DSG1: variants seen among roughly 807,000 people sequenced by gnomAD.
DSG1 encodes desmoglein-1.
A neutral mutation model predicts 97.5 loss-of-function variants in DSG1; 39 were observed. That is an observed-to-expected ratio of 0.40 (90% CI 0.31 to 0.52). The LOEUF is 0.52. Among genes scored for constraint, DSG1 ranks in the 20% least tolerant of loss-of-function variants. The pLI, the probability that DSG1 is intolerant of heterozygous loss-of-function variation, is 0.53. For synonymous variants in DSG1, 475 were observed against 443.4 expected, an observed-to-expected ratio of 1.07 and a Z score of -0.90; for missense variants, 1,311 against 1,295.4, an observed-to-expected ratio of 1.01 and a Z score of -0.18.
At chr18:31,344,319 T>C (rs974495196) in intron 13 of DSG1, among the ~76,000 whole-genome samples, 3 of 152,172 alleles carry the variant, frequency 2.0e-5, no homozygotes, top group African/African-American at 7.2e-5. Context: ...GCAAATTTCA[T>C]TAACATACAT....
At position 31,328,075 on chromosome 18, in the gene DSG1, C is replaced by T. The variant is rs377621121; in HGVS notation, c.217-114C>T. The T allele has an allele frequency of 1.1e-4, 114 of 1,062,802 alleles. No homozygotes were observed. In the African/African-American group the frequency reaches 1.6e-3, roughly 15 times the overall value. 65.8% of individuals were successfully genotyped at this position (1,062,802 alleles called of 1,614,324 possible). The stretch of plus-strand genomic sequence containing the variant: ...CTAGGAAAATAATCTCCATTGACAA[C>T]ATTTCCTAAATAACAAGGTCATCAC... On this transcript the variant is annotated intron_variant, in intron 3 of 14. Transcript: ENST00000257192.
At chr18:31,325,405 T>C (rs891779933) in intron 1 of DSG1, among the ~76,000 whole-genome samples, 1 of 152,134 alleles carries the variant, frequency 6.6e-6, no homozygotes, top group Non-Finnish European at 1.5e-5. Flanking sequence ...AGAAATGGCT[T>C]TCAAACACAC....
intron 14 of DSG1, among the ~76,000 whole-genome samples, chr18:31,353,714 G>A (rs1048222850): frequency 6.6e-6 from 1 of 151,910 alleles, no homozygotes; most frequent in African/African-American, 2.4e-5. Flanking sequence ...CAGTATTCGG[G>A]TGGGAGTGAC....
chr18:31,351,353 T>C (rs1353107176), intron 14 of DSG1, among the ~76,000 whole-genome samples: 1 of 146,906 alleles, frequency 6.8e-6, no homozygotes, highest in Non-Finnish European at 1.5e-5. Flanking sequence ...ATAATTTCCG[T>C]TCTTTTACAT....
At position 31,354,633 on chromosome 18, in the gene DSG1, A is replaced by G. The variant is rs745890800; in HGVS notation, c.2437A>G (p.Thr813Ala). 3.7e-6 allele frequency: 6 copies of G among 1,613,992 alleles called. No individual in the cohort carries two copies. The highest frequency in any genetic ancestry group is 3.3e-5 in the Admixed American group (2 of 59,996). ...CACTACCACAGTAATTTCTGAGAGC[A>G]CCTATCCCTCGGGACCTGGTGTACT... Reference protein sequence around the residue: ...FGTTTVISESTYPSGPGVLHP... With the variant: ...FGTTTVISESAYPSGPGVLHP... Residue 813 changes from threonine to alanine, a missense_variant, in exon 15 of 15, where the codon ACC (threonine) becomes GCC (alanine). Physicochemically the swap from Thr to Ala is moderately conservative, Grantham distance 58. Transcript: ENST00000257192.
Position 31,357,814 on chromosome 18 carries a change from T to G in DSG1, c.*2468T>G, listed in dbSNP as rs557701077. ...GGAAAAACAAGAAAAACTGAAGTAT[T>G]AGTCACCTATCTTTCTGGGAAGATA... On this transcript the variant is annotated 3_prime_UTR_variant, in exon 15 of 15. Transcript: ENST00000257192. Among the ~76,000 whole-genome samples the G allele has an allele frequency of 6.6e-6, 1 of 152,154 alleles. No individual in the cohort carries two copies. Among genetic ancestry groups the G allele is most frequent in the Non-Finnish European group, 1.5e-5 (1 of 67,890 alleles).
intron 8 of DSG1, among the ~76,000 whole-genome samples, chr18:31,334,533 A>C (rs1042102044): frequency 6.6e-6 from 1 of 152,186 alleles, no homozygotes; most frequent in East Asian, 1.9e-4. Flanking sequence ...AGAACTTTTT[A>C]AAGCATATTT....
intron 8 of DSG1, among the ~76,000 whole-genome samples, chr18:31,335,528 T>C (rs2071746595): frequency 6.6e-6 from 1 of 150,980 alleles, no homozygotes; most frequent in Non-Finnish European, 1.5e-5. Context: ...TATATATATA[T>C]TATGTGTGTG....
intron 3 of DSG1, 114 bp downstream of exon 3, chr18:31,327,119 CAGAACTAT>C: frequency 7.4e-7 from 1 of 1,355,818 alleles, no homozygotes; most frequent in Non-Finnish European, 1.0e-6. Flanking sequence ...CGATACAGAA[CAGAACTAT>C]AGTCACCTAG....
At chr18:31,330,685 C>G (rs1355360425) in intron 5 of DSG1, among the ~76,000 whole-genome samples, 2 of 152,046 alleles carry the variant, frequency 1.3e-5, no homozygotes, top group Non-Finnish European at 2.9e-5. Context: ...TACATGCGCT[C>G]CATAATTATG....
intron 11 of DSG1, among the ~76,000 whole-genome samples, chr18:31,342,252 C>A (rs1011430112): frequency 1.3e-5 from 2 of 151,946 alleles, no homozygotes; most frequent in Non-Finnish European, 1.5e-5. Flanking sequence ...TTTTACATTG[C>A]GGACTACCTC....
chr18:31,338,547 C>A, intron 10 of DSG1, 93 bp downstream of exon 10: 1 of 1,409,008 alleles, frequency 7.1e-7, no homozygotes, highest in Non-Finnish European at 9.9e-7. Flanking sequence ...TGAAGTAACC[C>A]CTTTCCAACA....
In DSG1 at chr18:31,333,628, C is replaced by A. The variant is rs568609861; in HGVS notation, c.724C>A (p.Arg242=). ...TGCTCTTGCTGTAAGAGGCTCTGACCGAGATGGCGGGGCAGATGGCATGTC... is the reference window on the plus strand; with the variant it reads ...TGCTCTTGCTGTAAGAGGCTCTGACAGAGATGGCGGGGCAGATGGCATGTC... ...QYALAVRGSD[R]DGGADGMSAE... The change falls in exon 7 of 15, where the codon CGA becomes AGA. Residue 242 remains arginine (R), a synonymous_variant. Transcript: ENST00000257192. The A allele has an allele frequency of 3.1e-6, 5 of 1,613,742 alleles. No individual in the cohort carries two copies. The highest frequency in any genetic ancestry group is 4.2e-6 in the Non-Finnish European group (5 of 1,179,820).
In DSG1 at chr18:31,358,883, A is replaced by C. The variant is rs1028762304; in HGVS notation, c.*3537A>C. On this transcript the variant is annotated 3_prime_UTR_variant, in exon 15 of 15. Coordinates refer to ENST00000257192, the MANE Select transcript of DSG1 (RefSeq NM_001942.4). ...CTGTCTTCCACTTCCGGATTATTCA[A>C]TTTATGTTAGGACAAATCTTGACTA... Among the ~76,000 whole-genome samples, 5 of 152,076 alleles carry C rather than the reference A, an allele frequency of 3.3e-5. No individual in the cohort carries two copies. Among genetic ancestry groups the C allele is most frequent in the Admixed American group, 6.5e-5 (1 of 15,268 alleles).
Position 31,331,850 on chromosome 18 carries a change from A to G in DSG1, c.667A>G (p.Asn223Asp). The G allele has an allele frequency of 1.2e-6, 2 of 1,612,318 alleles. No homozygotes were observed. Among genetic ancestry groups the G allele is most frequent in the Non-Finnish European group, 1.7e-6 (2 of 1,178,838 alleles). Residue 223 changes from asparagine (N) to aspartate (D), a missense_variant, in exon 6 of 15, where the codon AAT becomes GAT. Asn to Asp is a conservative substitution (Grantham distance 23). Around this residue, in one of 3 missense-constraint regions of DSG1, gnomAD observed 259 missense variants for 304.1 expected, o/e 0.85. Coordinates refer to ENST00000257192, the MANE Select transcript of DSG1 (RefSeq NM_001942.4). ...TACTGGAGAAATTCGAACGATGAATAATTTTCTAGACAGAGAGGTAATTCT... is the reference window on the plus strand; with the variant it reads ...TACTGGAGAAATTCGAACGATGAATGATTTTCTAGACAGAGAGGTAATTCT... ...RNTGEIRTMNNFLDREQYGQY... is the reference protein window; with the variant it reads ...RNTGEIRTMNDFLDREQYGQY...
chr18:31,354,827 G>C lies in DSG1; in HGVS notation c.2631G>C (p.Leu877Phe). 6.2e-7 allele frequency: 1 copy of C among 1,614,150 alleles called. No homozygotes were observed. The highest frequency in any genetic ancestry group is 8.5e-7 in the Non-Finnish European group (1 of 1,180,012). Reference protein sequence around the residue: ...RVVGPISGADLHGMLEMPDLR... With the variant: ...RVVGPISGADFHGMLEMPDLR... Reference sequence around the variant, plus strand: ...TCGGCCCAATCTCTGGCGCTGATTTGCATGGAATGTTAGAGATGCCTGACT... The same window carrying C: ...TCGGCCCAATCTCTGGCGCTGATTTCCATGGAATGTTAGAGATGCCTGACT... The change falls in exon 15 of 15, where the codon TTG (leucine) becomes TTC (phenylalanine). Residue 877 changes from leucine (L) to phenylalanine (F), a missense_variant. By Grantham distance (22) the Leu-to-Phe change is conservative. Coordinates refer to ENST00000257192, the MANE Select transcript of DSG1 (RefSeq NM_001942.4).
At chr18:31,323,976 C>CTTTTTTTTTTT (rs1203163479) in intron 1 of DSG1, among the ~76,000 whole-genome samples, 83 of 94,990 alleles carry the variant, frequency 8.7e-4, no homozygotes, top group African/African-American at 1.4e-3. Context: ...TCTCTCCTTC[C>CTTTTTTTTTTT]TTTTTTTTTT....
At chr18:31,354,255 A>G (rs1421600707) in intron 14 of DSG1, 42 bp from the exon 15 acceptor site, 1 of 1,528,772 alleles carries the variant, frequency 6.5e-7, no homozygotes, top group South Asian at 1.1e-5. Flanking sequence ...ATTGTTAAAT[A>G]TGCATTCATA....
chr18:31,334,644 G>A (rs891491736), intron 8 of DSG1, among the ~76,000 whole-genome samples: 10 of 151,974 alleles, frequency 6.6e-5, no homozygotes, highest in African/African-American at 1.9e-4. Flanking sequence ...TTCCTCCCGC[G>A]TGTTTTCATA....
Sources: gnomAD v4.1 joint callset for allele counts (sites outside exome capture counted in the v4.1 genomes callset) on GRCh38, gnomAD v4.1.1 for gene constraint, gnomAD v4.1.1 regional missense constraint, MANE v1.5 for transcripts, NCBI Gene and HGNC (gene_info 2026-07-23, HGNC 2026-07-21) for gene names.